NAA50: variants seen among roughly 807,000 people sequenced by gnomAD.
NAA50 encodes N-alpha-acetyltransferase 50, NatE catalytic subunit.
In NAA50, 7 loss-of-function variants were observed where a neutral mutation model predicts 20.7. The ratio of observed to expected loss-of-function variants is 0.34; its 90% CI spans 0.19 to 0.63. The LOEUF (loss-of-function observed/expected upper bound fraction) is 0.63. Among genes scored for constraint, NAA50 ranks in the 30% least tolerant of loss-of-function variants. NAA50 has a pLI of 0.75. For synonymous variants in NAA50, 54 were observed against 70.6 expected, an observed-to-expected ratio of 0.77 and a Z score of 1.18; for missense variants, 111 against 199.1, an observed-to-expected ratio of 0.56 and a Z score of 2.66.
At chr3:113,728,097 T>C (rs1410854300) in intron 1 of NAA50, among the ~76,000 whole-genome samples, 1 of 145,996 alleles carries the variant, frequency 6.8e-6, no homozygotes, top group Non-Finnish European at 1.5e-5. Context: ...AAAAAAGGCA[T>C]AAGCATAAGG....
At position 113,716,898 on chromosome 3, in the gene NAA50, TCTCAA is replaced by T. The variant is rs1708057335; in HGVS notation, c.*4857_*4861del. ...TTAAAAAGGTAATAATTCTTCTAGA[TCTCAA>T]CTCTAGGCTGTTAACAAGTAGCAAC... On this transcript the variant is annotated 3_prime_UTR_variant, in exon 5 of 5. Coordinates refer to ENST00000240922, the MANE Select transcript of NAA50 (RefSeq NM_025146.4). The T allele has an allele frequency of 6.6e-6, 1 of 152,242 alleles. No individual in the cohort carries two copies. Among genetic ancestry groups the T allele is most frequent in the Non-Finnish European group, 1.5e-5 (1 of 68,038 alleles). 9.4% of individuals were successfully genotyped at this position (152,242 alleles called of 1,614,324 possible).
chr3:113,723,090 C>T, intron 3 of NAA50, 118 bp from the exon 4 acceptor site: 1 of 1,286,974 alleles, frequency 7.8e-7, no homozygotes, highest in Non-Finnish European at 1.0e-6. Flanking sequence ...GAGGTATACA[C>T]TAGATATCCT....
At position 113,717,484 on chromosome 3, in the gene NAA50, A is replaced by G. The variant is rs1447014537; in HGVS notation, c.*4276T>C. On this transcript the variant is annotated 3_prime_UTR_variant, in exon 5 of 5. Coordinates refer to ENST00000240922, the MANE Select transcript of NAA50 (RefSeq NM_025146.4). ...ACCAAGTTAACAACACACATTAAGA[A>G]ATCTGACTCAAGCTCTTTTTCCCAT... 1 of 152,234 alleles carries G rather than the reference A, an allele frequency of 6.6e-6. No homozygotes were observed. Among genetic ancestry groups the G allele is most frequent in the East Asian group, 1.9e-4 (1 of 5,194 alleles). 9.4% of individuals were successfully genotyped at this position (152,234 alleles called of 1,614,324 possible). A position where few individuals can be genotyped will look rare whatever the true frequency, so the allele number is the denominator to read the frequency against.
intron 1 of NAA50, among the ~76,000 whole-genome samples, chr3:113,731,561 T>C (rs1257908910): frequency 2.0e-5 from 3 of 152,180 alleles, no homozygotes; most frequent in African/African-American, 4.8e-5. Flanking sequence ...CAACTATCAT[T>C]GCAATTCAGT....
At chr3:113,734,411 C>T (rs12497716) in intron 1 of NAA50, among the ~76,000 whole-genome samples, 54,388 of 151,924 alleles carry the variant, frequency 0.36, 9,824 homozygotes, top group East Asian at 0.4. Flanking sequence ...TCATGCAACA[C>T]ACCCACGTAA....
intron 1 of NAA50, among the ~76,000 whole-genome samples, chr3:113,743,358 A>C (rs1708442852): frequency 6.6e-6 from 1 of 152,242 alleles, no homozygotes. Flanking sequence ...TAGAATACTT[A>C]GCAAATAAAA....
chr3:113,741,735 G>T (rs1309837453), intron 1 of NAA50, among the ~76,000 whole-genome samples: 11 of 152,162 alleles, frequency 7.2e-5, no homozygotes, highest in Non-Finnish European at 1.6e-4. Context: ...TTCCAACTCA[G>T]AAAGTATTGA....
In NAA50 at chr3:113,746,077, G is replaced by A; in HGVS notation, c.-128C>T. 1 of 1,297,508 alleles carries A rather than the reference G, an allele frequency of 7.7e-7. No homozygotes were observed. Among genetic ancestry groups the A allele is most frequent in the East Asian group, 2.7e-5 (1 of 36,688 alleles). 80.4% of individuals were successfully genotyped at this position (1,297,508 alleles called of 1,614,324 possible). On this transcript the variant is annotated 5_prime_UTR_variant, in exon 1 of 5. Coordinates refer to ENST00000240922, the MANE Select transcript of NAA50 (RefSeq NM_025146.4). ...GCCGGCCTCCTAGCCTGGGCAGGGA[G>A]CTGTGCGAGCAACGAAGGCCGCGAG...
At position 113,745,797 on chromosome 3, in the gene NAA50, G is replaced by A. The variant is rs151124151; in HGVS notation, c.8+145C>T. 150 of 993,294 alleles carry A rather than the reference G, an allele frequency of 1.5e-4. 1 individual carries two copies. The highest frequency in any genetic ancestry group is 2.3e-4 in the South Asian group (13 of 55,662). The allele number at this position is 993,294 out of a possible 1,614,324, so 61.5% of individuals were successfully genotyped here. ...CGAGCCTCGCCTCCGCCCCCTCCGG[G>A]AGCCGAGGGAACTGAGAAGCAGAGA... On this transcript the variant is annotated intron_variant, in intron 1 of 4. Transcript: ENST00000240922.
In NAA50 at chr3:113,717,905, C is replaced by G. The variant is rs1708078800; in HGVS notation, c.*3855G>C. ...GACCTTGGGAGTCAACGAAGCCCAG[C>G]ATCTTCTCTGAGCAGTGATAGCCAG... On this transcript the variant is annotated 3_prime_UTR_variant, in exon 5 of 5. Coordinates refer to ENST00000240922, the MANE Select transcript of NAA50 (RefSeq NM_025146.4). The G allele has an allele frequency of 6.6e-6, 1 of 152,326 alleles. No homozygotes were observed. 9.4% of individuals were successfully genotyped at this position (152,326 alleles called of 1,614,324 possible).
chr3:113,742,939 G>C (rs1298093075), intron 1 of NAA50, among the ~76,000 whole-genome samples: 1 of 152,106 alleles, frequency 6.6e-6, no homozygotes, highest in Non-Finnish European at 1.5e-5. Flanking sequence ...ATACCTTCTT[G>C]CTTGAAATCG....
intron 4 of NAA50, among the ~76,000 whole-genome samples, 183 bp downstream of exon 4, chr3:113,722,723 T>C (rs1559737033): frequency 6.6e-6 from 1 of 152,174 alleles, no homozygotes; most frequent in Non-Finnish European, 1.5e-5. Context: ...CTCAGGTTCC[T>C]AATCTACTAT....
In NAA50 at chr3:113,721,934, A is replaced by G. The variant is rs759744811; in HGVS notation, c.336T>C (p.His112=). 11 of 1,611,480 alleles carry G rather than the reference A, an allele frequency of 6.8e-6. No individual in the cohort carries two copies. The Admixed American group carries it at 1.4e-4, about 20-fold the overall frequency. The change falls in exon 5 of 5, where the codon CAT becomes CAC. Residue 112 remains histidine (H), a synonymous_variant. Transcript: ENST00000240922. ...TTGCCGACTCATTGCTGATCTGGAC[A>G]TGCCTGAGATATAAGAGAGTATCAG... is the stretch of plus-strand genomic sequence containing the variant. ...KDGTFDNIYL[H]VQISNESAID... is the part of the protein sequence containing the mutation.
chr3:113,728,079 T>TAAA (rs11429752), intron 1 of NAA50, among the ~76,000 whole-genome samples: 1 of 140,722 alleles, frequency 7.1e-6, no homozygotes, highest in Non-Finnish European at 1.5e-5. Flanking sequence ...AACACGGAGT[T>TAAA]AAAAAAAAAA....
chr3:113,725,055 T>C (rs560219650), intron 1 of NAA50, among the ~76,000 whole-genome samples: 1 of 152,316 alleles, frequency 6.6e-6, no homozygotes, highest in South Asian at 2.1e-4. Context: ...AAAGGAGCAT[T>C]CCTAAGAAAC....
chr3:113,723,705 G>T, intron 2 of NAA50, 164 bp from the exon 3 acceptor site: 1 of 895,378 alleles, frequency 1.1e-6, no homozygotes, highest in Non-Finnish European at 1.6e-6. Context: ...GGAAGTTTAA[G>T]CCTCCTCTAG....
chr3:113,741,993 TC>T (rs1708422557), intron 1 of NAA50, among the ~76,000 whole-genome samples: 1 of 152,230 alleles, frequency 6.6e-6, no homozygotes, highest in African/African-American at 2.4e-5. Flanking sequence ...CTTTTATTTT[TC>T]TTTTATATTA....
At position 113,736,431 on chromosome 3, in the gene NAA50, C is replaced by A. The variant is rs1473463560; in HGVS notation, c.8+9511G>T. Among the ~76,000 whole-genome samples, 4 of 152,264 alleles carry A rather than the reference C, an allele frequency of 2.6e-5. No individual in the cohort carries two copies. In the East Asian group the frequency reaches 7.7e-4, roughly 29 times the overall value. On this transcript the variant is annotated intron_variant, in intron 1 of 4. Coordinates refer to ENST00000240922, the MANE Select transcript of NAA50 (RefSeq NM_025146.4). ...GACTCCCATCGGCTATTAATTTGTG[C>A]CACAAGATTATAATTTCACGTACAT...
chr3:113,735,826 G>A (rs895841077), intron 1 of NAA50, among the ~76,000 whole-genome samples: 2 of 152,182 alleles, frequency 1.3e-5, no homozygotes, highest in Non-Finnish European at 2.9e-5. Flanking sequence ...TGGGACTACG[G>A]TGCCCGCCAC....
Sources: allele counts gnomAD v4.1 joint callset (sites outside exome capture counted in the v4.1 genomes callset), GRCh38; gene constraint gnomAD v4.1.1; transcripts MANE v1.5; gene names NCBI Gene and HGNC (gene_info 2026-07-23, HGNC 2026-07-21).